The following RAB1A variants were observed in gnomAD, a reference collection of about 807,000 sequenced individuals.
RAB1A encodes the protein ras-related protein Rab-1A.
In RAB1A, 2 loss-of-function variants were observed where a neutral mutation model predicts 26.0. That is an observed-to-expected ratio of 0.08 (90% CI 0.03 to 0.24). The LOEUF (loss-of-function observed/expected upper bound fraction) is 0.24. Ranked by LOEUF, RAB1A falls within the 10% of genes least tolerant of loss-of-function variation. The probability of loss-of-function intolerance (pLI) is 1.00; values close to 1 mark genes in which losing one functional copy is unlikely to be tolerated. For synonymous variants in RAB1A, 84 were observed against 84.9 expected (o/e 0.99, Z 0.06); for missense variants, 100 against 247.0 (o/e 0.40, Z 3.99).
At chr2:65,095,936 G>A (rs537710027) in intron 3 of RAB1A, among the ~76,000 whole-genome samples, 5 of 152,158 alleles carry the variant, frequency 3.3e-5, no homozygotes, top group Admixed American at 6.5e-5. Flanking sequence ...GGCAGATCAC[G>A]AGGTCAGGAG....
chr2:65,127,433 TG>T (rs1273842351), intron 1 of RAB1A, among the ~76,000 whole-genome samples: 2 of 152,086 alleles, frequency 1.3e-5, no homozygotes, highest in African/African-American at 4.8e-5. Context: ...GTATTTGACA[TG>T]TATAAAATCT....
intron 3 of RAB1A, among the ~76,000 whole-genome samples, chr2:65,095,118 CA>C (rs964019096): frequency 4.6e-5 from 7 of 150,980 alleles, no homozygotes; most frequent in Admixed American, 2.0e-4. Flanking sequence ...ATTTTTGTCT[CA>C]GAAAAAAGAA....
chr2:65,122,331 A>G (rs1459804607), intron 1 of RAB1A, among the ~76,000 whole-genome samples: 1 of 150,990 alleles, frequency 6.6e-6, no homozygotes, highest in East Asian at 1.9e-4. Context: ...GTGGATCTCG[A>G]GACCAGGAAT....
intron 1 of RAB1A, among the ~76,000 whole-genome samples, chr2:65,109,866 C>G (rs1056444101): frequency 6.6e-6 from 1 of 152,054 alleles, no homozygotes; most frequent in Admixed American, 6.6e-5. Context: ...TATTTTCTAC[C>G]CTCGAGAAGT....
chr2:65,106,173 A>G (rs984074435), intron 1 of RAB1A, among the ~76,000 whole-genome samples: 1 of 152,188 alleles, frequency 6.6e-6, no homozygotes, highest in African/African-American at 2.4e-5. Context: ...CACAGTCTCC[A>G]AGGAAATCCC....
chr2:65,119,668 T>G (rs1301892296), intron 1 of RAB1A, among the ~76,000 whole-genome samples: 4 of 151,014 alleles, frequency 2.6e-5, no homozygotes, highest in Non-Finnish European at 5.9e-5. Flanking sequence ...CAAAGAAAAG[T>G]GTGATTCACT....
chr2:65,109,672 T>C (rs956353612), intron 1 of RAB1A, among the ~76,000 whole-genome samples: 3 of 149,226 alleles, frequency 2.0e-5, no homozygotes, highest in Non-Finnish European at 4.4e-5. Context: ...ACTGCGCCAT[T>C]GCACTCCAGC....
Position 65,127,233 on chromosome 2 carries a change from CCTT to C in RAB1A, c.23+2657_23+2659del, listed in dbSNP as rs558613691. ...TCCTTGTCATTTATGAGCCATTCCTCCTTCTTCTCCCCCTTGAAAATTCCTAGT... is the reference window on the plus strand; with the variant it reads ...TCCTTGTCATTTATGAGCCATTCCTCCTTCTCCCCCTTGAAAATTCCTAGT... On this transcript the variant is annotated intron_variant, in intron 1 of 5. Transcript: ENST00000409784. 2.0e-4 allele frequency among the ~76,000 whole-genome samples: 30 copies of C among 152,290 alleles called. 1 individual carries two copies. In the East Asian group the frequency reaches 5.0e-3, roughly 25 times the overall value.
intron 3 of RAB1A, 66 bp from the exon 4 acceptor site, chr2:65,091,144 G>A: frequency 8.0e-7 from 1 of 1,257,860 alleles, no homozygotes; most frequent in Non-Finnish European, 1.1e-6. Flanking sequence ...AAGTGTAGGA[G>A]GGAGGGGAAA....
At chr2:65,106,308 TTTTTGA>T (rs1161271011) in intron 1 of RAB1A, 16 of 274,954 alleles carry the variant, frequency 5.8e-5, no homozygotes, top group Middle Eastern at 4.5e-4. Context: ...TATTTTGTCC[TTTTTGA>T]TTTACTTTCA....
At chr2:65,114,158 T>C (rs777400464) in intron 1 of RAB1A, 1 of 454,110 alleles carries the variant, frequency 2.2e-6, no homozygotes, top group African/African-American at 2.0e-5. Context: ...GAGAATATAC[T>C]GTTTTCTTCT....
intron 2 of RAB1A, among the ~76,000 whole-genome samples, chr2:65,098,643 G>T (rs1394186158): frequency 6.6e-6 from 1 of 151,850 alleles, no homozygotes; most frequent in Non-Finnish European, 1.5e-5. Flanking sequence ...CGAATTCCAG[G>T]ACATTTTCTT....
At chr2:65,098,130 GAAA>G in intron 2 of RAB1A, 64 bp from the exon 3 acceptor site, 1 of 731,008 alleles carries the variant, frequency 1.4e-6, no homozygotes, top group Non-Finnish European at 2.0e-6. Flanking sequence ...AGTCTAAGTG[GAAA>G]AAAAAAAACT....
chr2:65,109,339 CTAAG>C (rs1402726702), intron 1 of RAB1A, among the ~76,000 whole-genome samples: 3 of 152,124 alleles, frequency 2.0e-5, no homozygotes, highest in Non-Finnish European at 4.4e-5. Context: ...ATTTGGATCA[CTAAG>C]TTTTTATCCT....
chr2:65,110,366 G>A (rs948521155), intron 1 of RAB1A, among the ~76,000 whole-genome samples: 8 of 151,176 alleles, frequency 5.3e-5, no homozygotes, highest in Admixed American at 3.3e-4. Context: ...GCTTGAACCC[G>A]GGAGGTGGAG....
intron 1 of RAB1A, among the ~76,000 whole-genome samples, chr2:65,105,993 C>A (rs1669547875): frequency 6.6e-6 from 1 of 152,144 alleles, no homozygotes; most frequent in Non-Finnish European, 1.5e-5. Context: ...ATCTCCTGAC[C>A]TCATGATCTG....
At chr2:65,109,297 CTT>C (rs774686475) in intron 1 of RAB1A, among the ~76,000 whole-genome samples, 6 of 152,144 alleles carry the variant, frequency 3.9e-5, no homozygotes, top group Non-Finnish European at 7.3e-5. Context: ...AATGGTAAGA[CTT>C]TAAATGTATT....
intron 3 of RAB1A, among the ~76,000 whole-genome samples, chr2:65,092,951 C>T (rs1558576384): frequency 6.6e-6 from 1 of 152,206 alleles, no homozygotes; most frequent in Admixed American, 6.5e-5. Flanking sequence ...TTCACACTCT[C>T]TCGCCTCCTG....
At position 65,092,331 on chromosome 2, in the gene RAB1A, T is replaced by A. The variant is rs575586864; in HGVS notation, c.193-1253A>T. ...GTGTATCCTTGGAGGAAGCATGAAC[T>A]CGAGGATCAAGCTACCCTGACTTCA... On this transcript the variant is annotated intron_variant, in intron 3 of 5. Coordinates refer to ENST00000409784, the MANE Select transcript of RAB1A (RefSeq NM_004161.5). Among the ~76,000 whole-genome samples the A allele has an allele frequency of 3.3e-5, 5 of 151,614 alleles. No individual in the cohort carries two copies. The South Asian group carries it at 1.0e-3, about 32-fold the overall frequency.
Sources: gnomAD v4.1 joint callset for allele counts (sites outside exome capture counted in the v4.1 genomes callset) on GRCh38, gnomAD v4.1.1 for gene constraint, MANE v1.5 for transcripts, NCBI Gene and HGNC (gene_info 2026-07-23, HGNC 2026-07-21) for gene names.